The following DOP1A variants were observed in gnomAD, a reference collection of about 807,000 sequenced individuals.
DOP1A encodes the protein DOP1 leucine zipper like protein A, also known as protein DOP1A.
Under a neutral mutation model 267.6 loss-of-function variants are expected in DOP1A, and 90 were observed. The observed-to-expected ratio is 0.34, with a 90% CI of 0.28 to 0.40. The LOEUF is 0.40. Ranked by LOEUF, DOP1A falls within the 10% of genes least tolerant of loss-of-function variation. DOP1A has a pLI of 1.00. For missense variants in DOP1A, 2,437 were observed against 2,900.4 expected (o/e 0.84, Z 3.67); for synonymous variants, 932 against 999.1 (o/e 0.93, Z 1.27).
chr6:83,137,986 A>G lies in DOP1A; in HGVS notation c.3944A>G (p.Asn1315Ser), dbSNP rs373279117. The change falls in exon 21 of 39, where the codon AAT becomes AGT. Residue 1315 changes from asparagine to serine, a missense_variant. Transcript: ENST00000349129. ...GATGATGACAAGAAAAAATCTTCAA[A>G]TGAAAAACTCAAACAAACCAGTGTA... ...KKDDDKKKSSNEKLKQTSVFF... is the reference protein window; with the variant it reads ...KKDDDKKKSSSEKLKQTSVFF... The G allele has an allele frequency of 3.3e-5, 53 of 1,605,994 alleles. No individual in the cohort carries two copies. Among genetic ancestry groups the G allele is most frequent in the Non-Finnish European group, 5.9e-6 (7 of 1,177,684 alleles).
chr6:83,079,287 C>G (rs1767668937), intron 1 of DOP1A, among the ~76,000 whole-genome samples: 1 of 152,170 alleles, frequency 6.6e-6, no homozygotes, highest in African/African-American at 2.4e-5. Context: ...ATTGAATTTG[C>G]ATCTCAGTGA....
At chr6:83,158,660 A>T (rs752989756) in intron 36 of DOP1A, 38 bp downstream of exon 36, 1 of 1,376,296 alleles carries the variant, frequency 7.3e-7, no homozygotes, top group Non-Finnish European at 1.0e-6. Flanking sequence ...TCCATTTTTT[A>T]ATACCCTGAA....
chr6:83,086,020 A>G (rs979101739), intron 1 of DOP1A, among the ~76,000 whole-genome samples: 5 of 152,116 alleles, frequency 3.3e-5, no homozygotes, highest in Admixed American at 6.5e-5. Context: ...AGTGGCAGGT[A>G]TAGATTTAGG....
chr6:83,168,428 G>T lies in DOP1A; in HGVS notation c.*261G>T. On this transcript the variant is annotated 3_prime_UTR_variant, in exon 39 of 39. Coordinates refer to ENST00000349129, the MANE Select transcript of DOP1A (RefSeq NM_015018.4). ...AAGTCCATTGTTTTTATTGTCCTGA[G>T]TTGTCTTAAACCTGCAAAATATACA... 8.6e-7 allele frequency: 1 copy of T among 1,156,216 alleles called. No homozygotes were observed. The highest frequency in any genetic ancestry group is 1.1e-6 in the Non-Finnish European group (1 of 938,964). 71.6% of individuals were successfully genotyped at this position (1,156,216 alleles called of 1,614,324 possible).
At chr6:83,110,431 A>G in intron 6 of DOP1A, 117 bp downstream of exon 6, 1 of 1,058,596 alleles carries the variant, frequency 9.4e-7, no homozygotes, top group Non-Finnish European at 1.3e-6. Context: ...TCGAGCTTAC[A>G]TTTATCAAGG....
At chr6:83,157,494 A>G (rs191436844) in intron 35 of DOP1A, among the ~76,000 whole-genome samples, 176 bp downstream of exon 35, 2 of 152,208 alleles carry the variant, frequency 1.3e-5, no homozygotes, top group Non-Finnish European at 2.9e-5. Context: ...ATTTCCATAC[A>G]GCTTAAATTT....
At chr6:83,104,272 C>A (rs1773156729) in intron 4 of DOP1A, among the ~76,000 whole-genome samples, 1 of 152,040 alleles carries the variant, frequency 6.6e-6, no homozygotes, top group Admixed American at 6.6e-5. Context: ...AATTTCATAT[C>A]TTTTTTTGCC....
chr6:83,124,911 C>A, intron 13 of DOP1A, 92 bp downstream of exon 13: 1 of 1,067,406 alleles, frequency 9.4e-7, no homozygotes, highest in Non-Finnish European at 1.4e-6. Context: ...TACATTTCAT[C>A]TTTAAAATTA....
downstream of DOP1A, chr6:83,170,332 G>A (rs775873799): frequency 5.6e-6 from 9 of 1,614,004 alleles, no homozygotes; most frequent in African/African-American, 1.3e-5. Flanking sequence ...CATATACTCG[G>A]ACGACATCTT....
intron 4 of DOP1A, among the ~76,000 whole-genome samples, chr6:83,105,356 CTTTTT>C (rs70987733): frequency 0.013 from 828 of 65,810 alleles, 2 homozygotes; most frequent in African/African-American, 0.044. Context: ...GGATGTCTTT[CTTTTT>C]TTTTTTTTTT....
chr6:83,148,974 A>C, intron 27 of DOP1A, 111 bp downstream of exon 27: 4 of 614,864 alleles, frequency 6.5e-6, no homozygotes, highest in Non-Finnish European at 1.0e-5. Flanking sequence ...CTACCTTCTC[A>C]TAGTGTTCTT....
intron 7 of DOP1A, among the ~76,000 whole-genome samples, chr6:83,117,063 C>G (rs1458979431): frequency 6.6e-6 from 1 of 152,022 alleles, no homozygotes; most frequent in Non-Finnish European, 1.5e-5. Context: ...TATACAATTG[C>G]TTTTCCTTAA....
In DOP1A at chr6:83,119,348, C is replaced by T. The variant is rs150778789; in HGVS notation, c.880+361C>T. On this transcript the variant is annotated intron_variant, in intron 8 of 38. Transcript: ENST00000349129. ...AAGGAATCAGGACTAGTACCATTGT[C>T]TTACACATCATACAGTGTCCCACTC... is the stretch of plus-strand genomic sequence containing the variant. Among the ~76,000 whole-genome samples, 141 of 152,214 alleles carry T rather than the reference C, an allele frequency of 9.3e-4. 1 individual carries two copies. The highest frequency in any genetic ancestry group is 3.2e-3 in the African/African-American group (133 of 41,562).
chr6:83,147,138 T>A (rs1311707900), intron 25 of DOP1A, 98 bp from the exon 26 acceptor site: 6 of 487,508 alleles, frequency 1.2e-5, no homozygotes, highest in Admixed American at 1.1e-4. Flanking sequence ...TCAATTTTTT[T>A]AATTAAAAAT....
At chr6:83,134,029 T>C (rs1326115737) in intron 18 of DOP1A, among the ~76,000 whole-genome samples, 158 bp from the exon 19 acceptor site, 1 of 152,158 alleles carries the variant, frequency 6.6e-6, no homozygotes, top group Non-Finnish European at 1.5e-5. Context: ...GTGTTTCTAC[T>C]GCCATAAAGA....
chr6:83,092,949 A>G (rs1770726470), intron 1 of DOP1A, among the ~76,000 whole-genome samples: 1 of 152,158 alleles, frequency 6.6e-6, no homozygotes, highest in African/African-American at 2.4e-5. Flanking sequence ...TTTTCATGTA[A>G]TATTTCCAGA....
In DOP1A at chr6:83,162,743, G is replaced by A. The variant is rs552324210; in HGVS notation, c.6963-47G>A. 5.8e-6 allele frequency: 9 copies of A among 1,556,864 alleles called. No homozygotes were observed. The East Asian group carries it at 1.1e-4, about 20-fold the overall frequency. ...ACATTATGTGGCCTAATCTTAGATG[G>A]CACAAAGTCTGTCTTACTGATGCTG... On this transcript the variant is annotated intron_variant, in intron 37 of 38. Transcript: ENST00000349129.
At chr6:83,071,311 A>G (rs748786209) in intron 1 of DOP1A, among the ~76,000 whole-genome samples, 4 of 151,976 alleles carry the variant, frequency 2.6e-5, no homozygotes, top group East Asian at 3.9e-4. Flanking sequence ...GATTCAAGGT[A>G]TTCTCCTGCC....
intron 25 of DOP1A, 74 bp from the exon 26 acceptor site, chr6:83,147,162 C>G: frequency 1.6e-6 from 1 of 641,934 alleles, no homozygotes; most frequent in Non-Finnish European, 2.6e-6. Flanking sequence ...CAGTAAGATA[C>G]AGAGTAGTTG....
Sources: allele counts gnomAD v4.1 joint callset (sites outside exome capture counted in the v4.1 genomes callset), GRCh38; gene constraint gnomAD v4.1.1; transcripts MANE v1.5; gene names NCBI Gene and HGNC (gene_info 2026-07-23, HGNC 2026-07-21).